ARHGAP39: variants seen among roughly 807,000 people sequenced by gnomAD.
The protein encoded by ARHGAP39 is rho GTPase-activating protein 39.
Under a neutral mutation model 106.9 loss-of-function variants are expected in ARHGAP39, and 44 were observed. That is an observed-to-expected ratio of 0.41 (90% CI 0.32 to 0.53). The LOEUF (loss-of-function observed/expected upper bound fraction) is 0.53, where lower values mean the gene tolerates loss of function less well. Ranked by LOEUF, ARHGAP39 falls within the 20% of genes least tolerant of loss-of-function variation. The probability of loss-of-function intolerance (pLI) is 0.21; values close to 1 mark genes in which losing one functional copy is unlikely to be tolerated. For missense variants in ARHGAP39, 1,496 were observed against 1,577.3 expected (o/e 0.95, Z 0.87); for synonymous variants, 768 against 693.2 (o/e 1.11, Z -1.69).
intron 2 of ARHGAP39, among the ~76,000 whole-genome samples, chr8:144,583,092 G>A (rs979522528): frequency 1.3e-5 from 2 of 152,084 alleles, no homozygotes; most frequent in Non-Finnish European, 2.9e-5. Flanking sequence ...CCCCCGCTCT[G>A]GTCCGTGCTT....
intron 1 of ARHGAP39, among the ~76,000 whole-genome samples, chr8:144,668,946 G>A (rs138525930): frequency 1.0e-3 from 152 of 152,244 alleles, no homozygotes; most frequent in Non-Finnish European, 1.6e-3. Context: ...TTAAGACAGC[G>A]TGGCACGGGC....
rs1254045450 is a variant in ARHGAP39 at position 144,670,250 on chromosome 8, C to A, written c.-82+15436G>T. ...GGGAAGCTGGATGAGGGCCTGGGAC[C>A]AGGCGGCTGTAAAAAGCAACAGAGC... On this transcript the variant is annotated intron_variant, in intron 1 of 11. Transcript: ENST00000377307. The surrounding 1 kb of genome is among the most constrained non-coding windows in gnomAD (Gnocchi z 4.4). Among the ~76,000 whole-genome samples the A allele has an allele frequency of 6.6e-6, 1 of 152,164 alleles. No individual in the cohort carries two copies. The highest frequency in any genetic ancestry group is 2.4e-5 in the African/African-American group (1 of 41,446).
At chr8:144,621,981 C>T (rs1002879705) in intron 1 of ARHGAP39, among the ~76,000 whole-genome samples, 1 of 152,204 alleles carries the variant, frequency 6.6e-6, no homozygotes, top group African/African-American at 2.4e-5. Context: ...ACTCAGAATG[C>T]ACAATGTTAA....
chr8:144,651,642 G>A (rs1821576957), intron 1 of ARHGAP39, among the ~76,000 whole-genome samples: 1 of 152,110 alleles, frequency 6.6e-6, no homozygotes, highest in South Asian at 2.1e-4. Flanking sequence ...AGGAGGAGGA[G>A]GTTGCAGTGA....
At chr8:144,596,379 G>A (rs1457193747) in intron 2 of ARHGAP39, among the ~76,000 whole-genome samples, 9 of 151,968 alleles carry the variant, frequency 5.9e-5, no homozygotes, top group East Asian at 5.8e-4. Flanking sequence ...CAGAGGGGAC[G>A]GCTGAGGCCT....
At position 144,530,395 on chromosome 8, in the gene ARHGAP39, C is replaced by T; in HGVS notation, c.*27G>A. 1 of 1,567,788 alleles carries T rather than the reference C, an allele frequency of 6.4e-7. No individual in the cohort carries two copies. The highest frequency in any genetic ancestry group is 8.7e-7 in the Non-Finnish European group (1 of 1,153,142). On this transcript the variant is annotated 3_prime_UTR_variant, in exon 12 of 12. Transcript: ENST00000377307. Reference sequence around the variant, plus strand: ...TTCGGCCTGGCTGGGGGCGGCAGGACATCCCTCCTGTCCCCGGGCGCCCCC... The same window carrying T: ...TTCGGCCTGGCTGGGGGCGGCAGGATATCCCTCCTGTCCCCGGGCGCCCCC...
intron 3 of ARHGAP39, among the ~76,000 whole-genome samples, chr8:144,559,109 G>C (rs1429796954): frequency 6.6e-6 from 1 of 152,108 alleles, no homozygotes; most frequent in Non-Finnish European, 1.5e-5. Context: ...TCGGGAGGCT[G>C]AGGCAGGAGA....
intron 1 of ARHGAP39, among the ~76,000 whole-genome samples, chr8:144,673,198 T>A (rs867612338): frequency 1.3e-5 from 2 of 148,500 alleles, no homozygotes; most frequent in Non-Finnish European, 2.9e-5. Context: ...GCCTGGGTGA[T>A]AGATTGAGAA....
chr8:144,693,711 T>C, the ARHGAP39 span, among the ~76,000 whole-genome samples: 1 of 152,228 alleles, frequency 6.6e-6, no homozygotes, highest in Non-Finnish European at 1.5e-5. Context: ...TGTTTCCCAA[T>C]GAAAGCAGGT....
chr8:144,669,143 G>A (rs1383612471), intron 1 of ARHGAP39, among the ~76,000 whole-genome samples: 1 of 140,400 alleles, frequency 7.1e-6, no homozygotes, highest in African/African-American at 2.7e-5. Flanking sequence ...CCTCACACAT[G>A]AACAAAATTA....
chr8:144,639,351 A>T (rs1821254234), intron 1 of ARHGAP39, among the ~76,000 whole-genome samples: 1 of 151,684 alleles, frequency 6.6e-6, no homozygotes. Context: ...AGAAAGAAAG[A>T]AAGAAAGAAA....
rs888456027 is a variant in ARHGAP39 at position 144,645,362 on chromosome 8, A to G, written c.-81-39667T>C. Among the ~76,000 whole-genome samples the G allele has an allele frequency of 2.6e-5, 4 of 152,242 alleles. No homozygotes were observed. Among genetic ancestry groups the G allele is most frequent in the Admixed American group, 1.3e-4 (2 of 15,292 alleles). The stretch of plus-strand genomic sequence containing the variant: ...CCAGCCCTGGGACACCACGCTCTCA[A>G]TGATGGGCTCCATGAGGGCAGGGCC... On this transcript the variant is annotated intron_variant, in intron 1 of 11. Coordinates refer to ENST00000377307, the MANE Select transcript of ARHGAP39 (RefSeq NM_025251.3). This position sits in a 1 kb window ranked among gnomAD's most constrained non-coding sequence, Gnocchi z 4.4.
chr8:144,550,063 A>C (rs910435698), intron 4 of ARHGAP39, among the ~76,000 whole-genome samples: 30 of 152,126 alleles, frequency 2.0e-4, no homozygotes, highest in African/African-American at 7.2e-4. Context: ...ACTTGAGCCC[A>C]GGGCTTCAAG....
At chr8:144,553,331 G>A (rs1817790142) in intron 4 of ARHGAP39, among the ~76,000 whole-genome samples, 1 of 152,316 alleles carries the variant, frequency 6.6e-6, no homozygotes, top group African/African-American at 2.4e-5. Context: ...AACTGGCTTG[G>A]CAGATTCAGC....
intron 6 of ARHGAP39, among the ~76,000 whole-genome samples, chr8:144,540,314 G>T (rs1051607507): frequency 2.0e-5 from 3 of 152,184 alleles, no homozygotes; most frequent in Admixed American, 6.5e-5. Context: ...GGGGATCATA[G>T]CTTGAGCCCA....
intron 2 of ARHGAP39, among the ~76,000 whole-genome samples, chr8:144,582,351 CCACACCTGCTCGTAG>C (rs1819026332): frequency 1.3e-5 from 2 of 152,216 alleles, no homozygotes; most frequent in African/African-American, 2.4e-5. Context: ...GTGATGCGCA[CCACACCTGCTCGTAG>C]GACACCAAGG....
chr8:144,577,306 A>C (rs1366379871), intron 3 of ARHGAP39, among the ~76,000 whole-genome samples: 1 of 152,214 alleles, frequency 6.6e-6, no homozygotes, highest in Non-Finnish European at 1.5e-5. Context: ...AACCAGTGTA[A>C]AACACCACAC....
At chr8:144,699,056 C>A in the ARHGAP39 span, 10 of 361,078 alleles carry the variant, frequency 2.8e-5, no homozygotes, top group East Asian at 7.8e-4. Context: ...TCTCACTGCA[C>A]AGGGCGTGGG....
intron 1 of ARHGAP39, among the ~76,000 whole-genome samples, chr8:144,674,024 C>T (rs755078190): frequency 6.6e-6 from 1 of 152,200 alleles, no homozygotes; most frequent in Non-Finnish European, 1.5e-5. Flanking sequence ...CACAGAACCC[C>T]AAAGAGGGTG....
Sources: allele counts gnomAD v4.1 joint callset (sites outside exome capture counted in the v4.1 genomes callset), GRCh38; gene constraint gnomAD v4.1.1; non-coding constraint Gnocchi (gnomAD v3.1); transcripts MANE v1.5; gene names NCBI Gene and HGNC (gene_info 2026-07-23, HGNC 2026-07-21).